Variants in MAP2K4 observed in about 807,000 individuals in gnomAD.
MAP2K4 encodes the protein dual specificity mitogen-activated protein kinase kinase 4.
In MAP2K4, 4 loss-of-function variants were observed where a neutral mutation model predicts 48.5. The ratio of observed to expected loss-of-function variants is 0.08; its 90% confidence interval spans 0.04 to 0.19. The LOEUF is 0.19. Among genes scored for constraint, MAP2K4 ranks in the 10% least tolerant of loss-of-function variants. The pLI is 1.00. For synonymous variants in MAP2K4, 166 were observed against 173.1 expected, an observed-to-expected ratio of 0.96 and a Z score of 0.32; for missense variants, 258 against 493.3, an observed-to-expected ratio of 0.52 and a Z score of 4.52.
At chr17:12,027,038 C>T (rs1969274093) in intron 1 of MAP2K4, 1 of 152,152 alleles carries the variant, frequency 6.6e-6, no homozygotes. Context: ...CAAATGTTGT[C>T]GTTCTGGCTA....
At chr17:12,021,089 C>G (rs1413961353) in intron 1 of MAP2K4, 88 bp downstream of exon 1, 2 of 797,426 alleles carry the variant, frequency 2.5e-6, no homozygotes, top group Non-Finnish European at 3.3e-6. Context: ...CCCCCGGACC[C>G]GGCTGAGGAA....
At chr17:12,138,016 A>G (rs1169697755) in intron 9 of MAP2K4, among the ~76,000 whole-genome samples, 1 of 152,180 alleles carries the variant, frequency 6.6e-6, no homozygotes. Context: ...AGGATTGATA[A>G]TAAGACTAAC....
At chr17:12,118,177 G>C (rs978252185) in intron 7 of MAP2K4, among the ~76,000 whole-genome samples, 7 of 152,104 alleles carry the variant, frequency 4.6e-5, no homozygotes, top group African/African-American at 1.7e-4. Context: ...AATTCGCCAG[G>C]GTTATTGATG....
intron 2 of MAP2K4, among the ~76,000 whole-genome samples, chr17:12,075,423 G>T (rs1233277157): frequency 1.3e-5 from 2 of 152,194 alleles, no homozygotes; most frequent in Non-Finnish European, 2.9e-5. Flanking sequence ...TTTTAAAAAT[G>T]TAAATTCATA....
intron 1 of MAP2K4, among the ~76,000 whole-genome samples, chr17:12,042,561 A>C (rs988784659): frequency 2.0e-5 from 3 of 152,038 alleles, no homozygotes; most frequent in Non-Finnish European, 4.4e-5. Flanking sequence ...GTATCGCCTA[A>C]GCTCGGGAGG....
chr17:12,089,911 C>T (rs1376142851), intron 3 of MAP2K4, among the ~76,000 whole-genome samples: 1 of 152,156 alleles, frequency 6.6e-6, no homozygotes, highest in East Asian at 1.9e-4. Context: ...GATTATGTTG[C>T]TGTTTTCAAG....
chr17:12,060,828 A>C (rs190791799), intron 2 of MAP2K4, among the ~76,000 whole-genome samples: 3 of 152,072 alleles, frequency 2.0e-5, no homozygotes, highest in East Asian at 1.9e-4. Flanking sequence ...ATAACGTAAA[A>C]ATTTTTATCT....
chr17:12,039,028 T>C (rs1969693515), intron 1 of MAP2K4, among the ~76,000 whole-genome samples: 1 of 152,192 alleles, frequency 6.6e-6, no homozygotes, highest in Admixed American at 6.5e-5. Flanking sequence ...CCAGTAAGCC[T>C]TACTGAACAT....
At chr17:12,026,046 T>TC (rs1969240871) in intron 1 of MAP2K4, among the ~76,000 whole-genome samples, 2 of 151,958 alleles carry the variant, frequency 1.3e-5, no homozygotes, top group Non-Finnish European at 2.9e-5. Flanking sequence ...AGCAAATTAG[T>TC]CCCCCCTCAA....
rs1487377862 is a variant in MAP2K4 at position 12,125,338 on chromosome 17, C to T, written c.858C>T (p.Val286=). ...DPSASRQGYD[V]RSDVWSLGIT... is the part of the protein sequence containing the mutation. ...GCGCATCACGACAAGGATATGATGT[C>T]CGCTCTGATGTCTGGAGTTTGGGGA... Residue 286 remains valine, a synonymous_variant, in exon 8 of 11, where the codon GTC becomes GTT. Coordinates refer to ENST00000353533, the MANE Select transcript of MAP2K4 (RefSeq NM_003010.4). 6.2e-7 allele frequency: 1 copy of T among 1,614,028 alleles called. No homozygotes were observed. Among genetic ancestry groups the T allele is most frequent in the Non-Finnish European group, 8.5e-7 (1 of 1,179,974 alleles).
chr17:12,125,930 A>T (rs112195794), intron 8 of MAP2K4, among the ~76,000 whole-genome samples: 20 of 152,300 alleles, frequency 1.3e-4, no homozygotes, highest in African/African-American at 4.6e-4. Flanking sequence ...ACTACATGAG[A>T]CTGGGTAATT....
intron 1 of MAP2K4, among the ~76,000 whole-genome samples, chr17:12,050,712 A>T: frequency 6.6e-6 from 1 of 152,172 alleles, no homozygotes; most frequent in African/African-American, 2.4e-5. Flanking sequence ...TTGAGAAGTT[A>T]GTGGAGGGAG....
intron 1 of MAP2K4, chr17:12,021,557 G>T (rs1355185124): frequency 1.3e-5 from 2 of 150,814 alleles, no homozygotes; most frequent in Non-Finnish European, 3.0e-5. Context: ...GGGCTACGGG[G>T]GCCTCTTGGA....
chr17:12,106,298 A>G (rs1358099306), intron 4 of MAP2K4, among the ~76,000 whole-genome samples: 7 of 152,176 alleles, frequency 4.6e-5, no homozygotes, highest in Non-Finnish European at 1.0e-4. Context: ...CATGATAGCC[A>G]TTCTCATAGA....
At chr17:12,111,763 ACT>A (rs1489210984) in intron 6 of MAP2K4, among the ~76,000 whole-genome samples, 6 of 152,080 alleles carry the variant, frequency 3.9e-5, no homozygotes, top group Non-Finnish European at 8.8e-5. Flanking sequence ...AATCCTGATA[ACT>A]CTCTTTAAAC....
intron 1 of MAP2K4, among the ~76,000 whole-genome samples, chr17:12,045,644 T>C (rs970256): frequency 6.6e-6 from 1 of 152,182 alleles, no homozygotes; most frequent in African/African-American, 2.4e-5. Context: ...CTTGTTCTTG[T>C]TACATTGTGA....
chr17:12,023,454 A>G (rs554734911), intron 1 of MAP2K4, among the ~76,000 whole-genome samples: 54 of 152,252 alleles, frequency 3.5e-4, no homozygotes, highest in African/African-American at 1.3e-3. Context: ...GCCTTAGAAG[A>G]TGTTTGATGT....
intron 7 of MAP2K4, among the ~76,000 whole-genome samples, chr17:12,118,230 T>C (rs62061026): frequency 0.24 from 35,797 of 152,026 alleles, 4,661 homozygotes; most frequent in South Asian, 0.31. Flanking sequence ...TGATGAAACA[T>C]CACTGTTTTG....
chr17:12,071,367 G>A (rs1327167999), intron 2 of MAP2K4, among the ~76,000 whole-genome samples: 2 of 152,088 alleles, frequency 1.3e-5, no homozygotes, highest in Non-Finnish European at 2.9e-5. Flanking sequence ...TGCTGGAGAA[G>A]ATATTAAACT....
Sources: gnomAD v4.1 joint callset for allele counts (sites outside exome capture counted in the v4.1 genomes callset) on GRCh38, gnomAD v4.1.1 for gene constraint, MANE v1.5 for transcripts, NCBI Gene and HGNC (gene_info 2026-07-23, HGNC 2026-07-21) for gene names.